Variants in KCNK9 observed in about 807,000 individuals in gnomAD.
KCNK9 encodes the protein potassium two pore domain channel subfamily K member 9, also known as potassium channel subfamily K member 9.
Under a neutral mutation model 10.8 loss-of-function variants are expected in KCNK9, and 1 was observed. The observed-to-expected ratio is 0.09, with a 90% CI of 0.03 to 0.44. The LOEUF (loss-of-function observed/expected upper bound fraction) is 0.44, where lower values mean the gene tolerates loss of function less well. Ranked by LOEUF, KCNK9 falls within the 20% of genes least tolerant of loss-of-function variation. KCNK9 has a pLI of 0.97. For synonymous variants in KCNK9, 231 were observed against 222.7 expected (o/e 1.04, Z -0.33); for missense variants, 303 against 515.0 (o/e 0.59, Z 3.98).
rs562069377 is a variant in KCNK9 at position 139,634,874 on chromosome 8, G to A, written c.284-15775C>T. On this transcript the variant is annotated intron_variant, in intron 1 of 1. Transcript: ENST00000520439. ...CGTGAGGGGACAAGGCCCCTCCTTG[G>A]GTGTTTTACAAAGAGCTTCTGGGAC... 1.4e-3 allele frequency among the ~76,000 whole-genome samples: 219 copies of A among 152,268 alleles called. 1 individual carries two copies. The highest frequency in any genetic ancestry group is 1.9e-3 in the Non-Finnish European group (130 of 68,024).
In KCNK9 at chr8:139,632,763, G is replaced by T. The variant is rs73358029; in HGVS notation, c.284-13664C>A. Among the ~76,000 whole-genome samples the T allele has an allele frequency of 3.3e-5, 5 of 152,100 alleles. No homozygotes were observed. In the East Asian group the frequency reaches 9.6e-4, roughly 29 times the overall value. On this transcript the variant is annotated intron_variant, in intron 1 of 1. Transcript: ENST00000520439. ...TAGGAGCCTGGGTTCTGAGTGACCA[G>T]CTAGAGCAGAGCCCCTGCCGAGAAA...
intron 1 of KCNK9, among the ~76,000 whole-genome samples, chr8:139,700,259 G>A (rs111406465): frequency 1.3e-5 from 2 of 152,122 alleles, no homozygotes; most frequent in Non-Finnish European, 1.5e-5. Flanking sequence ...TGCAGCCCGC[G>A]GGATCTCAGC....
At chr8:139,673,195 T>C (rs1244141578) in intron 1 of KCNK9, among the ~76,000 whole-genome samples, 1 of 149,002 alleles carries the variant, frequency 6.7e-6, no homozygotes, top group African/African-American at 2.5e-5. Flanking sequence ...GGCATAGGCC[T>C]GGGGGGAATG....
At chr8:139,604,793 G>A (rs992666710) in intron 2 of KCNK9, among the ~76,000 whole-genome samples, 4 of 152,210 alleles carry the variant, frequency 2.6e-5, no homozygotes, top group African/African-American at 7.2e-5. Context: ...GCCAAACAGA[G>A]CTGAGCAGGT....
chr8:139,665,698 G>A (rs1816281249), intron 1 of KCNK9, among the ~76,000 whole-genome samples: 3 of 152,184 alleles, frequency 2.0e-5, no homozygotes, highest in Admixed American at 1.3e-4. Flanking sequence ...GTAAAATGAG[G>A]TGGCCGTGCA....
intron 1 of KCNK9, among the ~76,000 whole-genome samples, chr8:139,663,682 TTAGA>T (rs1816225357): frequency 2.7e-5 from 4 of 145,758 alleles, no homozygotes; most frequent in Admixed American, 6.8e-5. Context: ...TGTGTGTGTG[TTAGA>T]GAGAGAGATA....
chr8:139,623,248 G>A (rs1814850679), intron 1 of KCNK9, among the ~76,000 whole-genome samples: 1 of 152,226 alleles, frequency 6.6e-6, no homozygotes, highest in East Asian at 1.9e-4. Context: ...CTGTGTGACA[G>A]CTCAAGTCCT....
chr8:139,610,023 AGACTT>A (rs953821363), downstream of KCNK9, among the ~76,000 whole-genome samples: 2 of 150,168 alleles, frequency 1.3e-5, no homozygotes, highest in Admixed American at 6.6e-5. Flanking sequence ...CATGTTCCCT[AGACTT>A]GACTTCTTTC....
intron 1 of KCNK9, among the ~76,000 whole-genome samples, chr8:139,679,413 C>T (rs1229501882): frequency 2.0e-5 from 3 of 152,212 alleles, no homozygotes; most frequent in Admixed American, 6.5e-5. Flanking sequence ...CCCTGCCAGC[C>T]GGGCCTGCTG....
intron 2 of KCNK9, among the ~76,000 whole-genome samples, chr8:139,604,481 C>T (rs1817442662): frequency 6.6e-6 from 1 of 152,112 alleles, no homozygotes; most frequent in Admixed American, 6.5e-5. Context: ...CACGCGGGCG[C>T]ATCTGCACGC....
intron 1 of KCNK9, among the ~76,000 whole-genome samples, chr8:139,637,120 TGCATGTACAAG>T (rs1815361873): frequency 6.6e-6 from 1 of 152,248 alleles, no homozygotes; most frequent in Non-Finnish European, 1.5e-5. Context: ...AAAGGCTGTG[TGCATGTACAAG>T]GCATGTGCAC....
At chr8:139,652,268 C>T (rs1815890493) in intron 1 of KCNK9, among the ~76,000 whole-genome samples, 1 of 152,198 alleles carries the variant, frequency 6.6e-6, no homozygotes, top group African/African-American at 2.4e-5. Flanking sequence ...TGGCCCCAAC[C>T]ACCCTGAATC....
chr8:139,661,500 G>A (rs1191985220), intron 1 of KCNK9, among the ~76,000 whole-genome samples: 1 of 152,214 alleles, frequency 6.6e-6, no homozygotes, highest in Non-Finnish European at 1.5e-5. Context: ...CCTCGTCACA[G>A]CCCTGGGAAG....
At chr8:139,625,107 T>C (rs1303959419) in intron 1 of KCNK9, among the ~76,000 whole-genome samples, 1 of 151,318 alleles carries the variant, frequency 6.6e-6, no homozygotes, top group Non-Finnish European at 1.5e-5. Flanking sequence ...AGCTGGGCCA[T>C]GCAGCCTCTG....
chr8:139,642,224 C>G (rs1336387672), intron 1 of KCNK9, among the ~76,000 whole-genome samples: 3 of 152,164 alleles, frequency 2.0e-5, no homozygotes, highest in African/African-American at 4.8e-5. Flanking sequence ...ATTTCATTCC[C>G]CACCAAGAGC....
chr8:139,631,636 TC>T (rs1815176378), intron 1 of KCNK9, among the ~76,000 whole-genome samples: 2 of 151,656 alleles, frequency 1.3e-5, no homozygotes, highest in Non-Finnish European at 2.9e-5. Flanking sequence ...ACTAAATAAT[TC>T]CTCTCCCACT....
chr8:139,696,243 T>C (rs1243227152), intron 1 of KCNK9, among the ~76,000 whole-genome samples: 1 of 152,156 alleles, frequency 6.6e-6, no homozygotes, highest in Non-Finnish European at 1.5e-5. Context: ...GATGACTAGC[T>C]TCGGGGGTTC....
At chr8:139,642,603 G>A (rs920237742) in intron 1 of KCNK9, among the ~76,000 whole-genome samples, 2 of 152,302 alleles carry the variant, frequency 1.3e-5, no homozygotes, top group African/African-American at 4.8e-5. Flanking sequence ...CCCACACCTG[G>A]CCGGGCACAC....
chr8:139,629,951 G>C (rs868422683), intron 1 of KCNK9, among the ~76,000 whole-genome samples: 1 of 152,064 alleles, frequency 6.6e-6, no homozygotes, highest in Admixed American at 6.5e-5. Flanking sequence ...ATAACCCTGA[G>C]TGACAGAAGC....
Sources: gnomAD v4.1 joint callset for allele counts (sites outside exome capture counted in the v4.1 genomes callset) on GRCh38, gnomAD v4.1.1 for gene constraint, MANE v1.5 for transcripts, NCBI Gene and HGNC (gene_info 2026-07-23, HGNC 2026-07-21) for gene names.